The following RALYL variants were observed in gnomAD, a reference collection of about 807,000 sequenced individuals.
The protein encoded by RALYL is RNA-binding Raly-like protein.
In RALYL, 29 loss-of-function variants were observed where a neutral mutation model predicts 35.1. The observed-to-expected ratio is 0.83, with a 90% confidence interval of 0.61 to 1.13. RALYL has a LOEUF of 1.13. RALYL is among the 50% of genes most tolerant of loss of function. The pLI, the probability that RALYL is intolerant of heterozygous loss-of-function variation, is 0.00. For synonymous variants in RALYL, 120 were observed against 127.6 expected (o/e 0.94, Z 0.40); for missense variants, 359 against 360.4 (o/e 1.00, Z 0.03).
intron 2 of RALYL, among the ~76,000 whole-genome samples, chr8:84,712,934 A>G (rs891894076): frequency 1.3e-5 from 2 of 151,860 alleles, no homozygotes; most frequent in African/African-American, 2.4e-5. Context: ...TCTGTTGATT[A>G]TTTTTCTTTG....
intron 1 of RALYL, among the ~76,000 whole-genome samples, chr8:84,234,914 G>A (rs534395358): frequency 3.6e-4 from 55 of 151,908 alleles, no homozygotes; most frequent in African/African-American, 1.3e-3. Context: ...ACAGGTGGGC[G>A]CGACCATGCC....
intron 1 of RALYL, among the ~76,000 whole-genome samples, chr8:84,230,572 A>C (rs1230540929): frequency 6.6e-6 from 1 of 152,182 alleles, no homozygotes; most frequent in African/African-American, 2.4e-5. Flanking sequence ...CTTACTCTCT[A>C]GTTATTCTCC....
chr8:84,739,546 T>G (rs941574014), intron 2 of RALYL, among the ~76,000 whole-genome samples: 1 of 151,746 alleles, frequency 6.6e-6, no homozygotes, highest in African/African-American at 2.4e-5. Flanking sequence ...GAAAATATTT[T>G]AGGTGAAATA....
chr8:84,527,336 C>A (rs1049029450), intron 1 of RALYL, among the ~76,000 whole-genome samples: 1 of 152,096 alleles, frequency 6.6e-6, no homozygotes, highest in Non-Finnish European at 1.5e-5. Context: ...GCTGTACCCT[C>A]GAATTAAATT....
chr8:84,430,172 CA>C (rs1297202960), intron 1 of RALYL, among the ~76,000 whole-genome samples: 1 of 151,932 alleles, frequency 6.6e-6, no homozygotes. Context: ...ATATATTGGT[CA>C]GAATAACCCT....
chr8:84,479,612 C>A (rs962590464), intron 1 of RALYL, among the ~76,000 whole-genome samples: 1 of 152,062 alleles, frequency 6.6e-6, no homozygotes, highest in African/African-American at 2.4e-5. Context: ...ACTATTATAT[C>A]GTTGGTATAT....
At chr8:84,266,310 G>T (rs1833286751) in intron 1 of RALYL, among the ~76,000 whole-genome samples, 1 of 151,758 alleles carries the variant, frequency 6.6e-6, no homozygotes, top group African/African-American at 2.4e-5. Flanking sequence ...CTTTTGTTTA[G>T]TGTCTTTCAA....
At chr8:84,697,498 G>A (rs1839376712) in intron 2 of RALYL, among the ~76,000 whole-genome samples, 1 of 151,982 alleles carries the variant, frequency 6.6e-6, no homozygotes, top group East Asian at 1.9e-4. Context: ...ATGGACCTTA[G>A]ATTAGTGCAA....
At chr8:84,729,080 C>T (rs1179900112) in intron 2 of RALYL, among the ~76,000 whole-genome samples, 3 of 152,168 alleles carry the variant, frequency 2.0e-5, no homozygotes, top group Non-Finnish European at 4.4e-5. Context: ...TGGCCATTTT[C>T]ATGATATTGA....
intron 1 of RALYL, among the ~76,000 whole-genome samples, chr8:84,197,166 G>C (rs1356817139): frequency 6.6e-6 from 1 of 152,070 alleles, no homozygotes; most frequent in Non-Finnish European, 1.5e-5. Context: ...TACCAACTTA[G>C]TTTCAGAAGT....
intron 1 of RALYL, among the ~76,000 whole-genome samples, chr8:84,439,593 AG>A (rs2048117537): frequency 6.6e-6 from 1 of 152,072 alleles, no homozygotes; most frequent in Non-Finnish European, 1.5e-5. Flanking sequence ...TTTTGTTTTC[AG>A]GATTTATTTT....
At chr8:84,247,438 A>G (rs1308143454) in intron 1 of RALYL, among the ~76,000 whole-genome samples, 1 of 152,038 alleles carries the variant, frequency 6.6e-6, no homozygotes, top group South Asian at 2.1e-4. Flanking sequence ...AGGTTACCAT[A>G]CCAAGTGTAT....
intron 1 of RALYL, among the ~76,000 whole-genome samples, chr8:84,197,738 G>A (rs1231903785): frequency 6.6e-6 from 1 of 150,534 alleles, no homozygotes; most frequent in African/African-American, 2.5e-5. Context: ...GAGACTGCCT[G>A]GGCAATATAG....
chr8:84,364,754 T>C (rs1340877163), intron 1 of RALYL, among the ~76,000 whole-genome samples: 1 of 152,126 alleles, frequency 6.6e-6, no homozygotes, highest in Non-Finnish European at 1.5e-5. Context: ...GGAGAGTATA[T>C]TCTACACTAG....
intron 1 of RALYL, among the ~76,000 whole-genome samples, chr8:84,426,346 A>G (rs548920033): frequency 1.9e-3 from 285 of 152,000 alleles, no homozygotes; most frequent in African/African-American, 6.6e-3. Context: ...TGCATCCTAC[A>G]TATTTGCTAC....
In RALYL at chr8:84,915,760, G is replaced by T. The variant is rs531267887; in HGVS notation, c.859-5134G>T. 7.9e-5 allele frequency among the ~76,000 whole-genome samples: 12 copies of T among 152,110 alleles called. No individual in the cohort carries two copies. In the East Asian group the frequency reaches 2.3e-3, roughly 29 times the overall value. ...TTACAGTTCTGAAGACATCATTATG[G>T]TTCCTGACATCATTACATCTTATCA... is the stretch of plus-strand genomic sequence containing the variant. On this transcript the variant is annotated intron_variant, in intron 8 of 8. Transcript: ENST00000521268.
At chr8:84,677,567 A>G (rs1445909344) in intron 2 of RALYL, among the ~76,000 whole-genome samples, 1 of 152,216 alleles carries the variant, frequency 6.6e-6, no homozygotes, top group Non-Finnish European at 1.5e-5. Flanking sequence ...TACCTATAAC[A>G]TATTCTATCT....
chr8:84,862,415 G>T lies in RALYL; in HGVS notation c.533G>T (p.Gly178Val), dbSNP rs1462048725. Residue 178 changes from glycine to valine, a missense_variant, in exon 6 of 9, where the codon GGA becomes GTA. By Grantham distance (109) the Gly-to-Val change is moderately radical (BLOSUM62 -3). Coordinates refer to ENST00000521268, the MANE Select transcript of RALYL (RefSeq NM_173848.7). ...RGKGVFSMKG[G>V]SRSTASGSTG... ...AAAGGAGTCTTTTCCATGAAAGGTG[G>T]ATCGAGATCTACTGCCAGTGGGTCA... is the stretch of plus-strand genomic sequence containing the variant. 4 of 1,605,276 alleles carry T rather than the reference G, an allele frequency of 2.5e-6. No homozygotes were observed. The highest frequency in any genetic ancestry group is 3.4e-6 in the Non-Finnish European group (4 of 1,176,416).
intron 8 of RALYL, among the ~76,000 whole-genome samples, chr8:84,912,680 A>C (rs977139650): frequency 6.6e-6 from 1 of 152,002 alleles, no homozygotes; most frequent in African/African-American, 2.4e-5. Context: ...GTAAATCTAA[A>C]AGTAACTCCC....
Sources: gnomAD v4.1 joint callset for allele counts (sites outside exome capture counted in the v4.1 genomes callset) on GRCh38, gnomAD v4.1.1 for gene constraint, MANE v1.5 for transcripts, NCBI Gene and HGNC (gene_info 2026-07-23, HGNC 2026-07-21) for gene names.